The following OTC variants were observed in gnomAD, a reference collection of about 807,000 sequenced individuals.
The protein encoded by OTC is ornithine transcarbamylase.
A neutral mutation model predicts 30.3 loss-of-function variants in OTC; 3 were observed. That is an observed-to-expected ratio of 0.10 (90% CI 0.05 to 0.26). OTC has a LOEUF of 0.26. Among genes scored for constraint, OTC ranks in the 10% least tolerant of loss-of-function variants. The pLI, the probability that OTC is intolerant of heterozygous loss-of-function variation, is 1.00. For synonymous variants in OTC, 111 were observed against 99.7 expected, an observed-to-expected ratio of 1.11 and a Z score of -0.67; for missense variants, 194 against 260.3, an observed-to-expected ratio of 0.75 and a Z score of 1.75.
At chrX:38,405,576 T>A (rs1229872562) in intron 6 of OTC, among the ~76,000 whole-genome samples, 1 of 111,077 alleles carries the variant, frequency 9.0e-6, no homozygotes, top group Non-Finnish European at 1.9e-5. Flanking sequence ...CCACATAAGG[T>A]CACATTCTGA....
chrX:38,334,505 C>G, the OTC span, among the ~76,000 whole-genome samples: 6 of 111,614 alleles, frequency 5.4e-5, no homozygotes, highest in South Asian at 3.8e-4. Context: ...TAGAGGCGAT[C>G]AGCTGGTGCA....
At chrX:38,409,133 T>A (rs1485918968) in intron 8 of OTC, 108 bp downstream of exon 8, 11 of 830,855 alleles carry the variant, frequency 1.3e-5, no homozygotes, top group Admixed American at 2.3e-5. Flanking sequence ...TCATTCCCTA[T>A]AAAAGGACTC....
At chrX:38,356,050 C>CAAAA (rs138806207) in intron 1 of OTC, among the ~76,000 whole-genome samples, 3 of 52,666 alleles carry the variant, frequency 5.7e-5, no homozygotes, top group African/African-American at 2.3e-4. Context: ...GACTCTGTCT[C>CAAAA]AAAAAAAAAA....
chrX:38,382,328 A>C (rs991236404), intron 4 of OTC, among the ~76,000 whole-genome samples: 6 of 112,142 alleles, frequency 5.4e-5, no homozygotes, highest in Admixed American at 9.4e-5. Context: ...TCTGGCTAAA[A>C]AATCCAGAGC....
chrX:38,413,410 G>A (rs1036821955), intron 9 of OTC, among the ~76,000 whole-genome samples: 2 of 111,337 alleles, frequency 1.8e-5, no homozygotes, highest in South Asian at 3.8e-4. Flanking sequence ...GCAGCCAACC[G>A]TGACTCCCTT....
the OTC span, among the ~76,000 whole-genome samples, chrX:38,340,243 T>C: frequency 2.7e-5 from 3 of 111,536 alleles, no homozygotes; most frequent in African/African-American, 6.5e-5. Context: ...ACACATCTTA[T>C]TACTTGTAGA....
the OTC span, among the ~76,000 whole-genome samples, chrX:38,328,381 A>G: frequency 5.3e-5 from 6 of 112,517 alleles, no homozygotes; most frequent in African/African-American, 1.9e-4. Context: ...TACACAAATA[A>G]TCATTTACTT....
intron 1 of OTC, among the ~76,000 whole-genome samples, chrX:38,355,428 G>T (rs1320229896): frequency 8.9e-6 from 1 of 112,024 alleles, no homozygotes; most frequent in Non-Finnish European, 1.9e-5. Flanking sequence ...TATCAGAAAA[G>T]ACCAATTTGT....
chrX:38,331,644 G>A, the OTC span, among the ~76,000 whole-genome samples: 2 of 100,387 alleles, frequency 2.0e-5, no homozygotes, highest in African/African-American at 7.4e-5. Context: ...GTGCAGTGGC[G>A]CAATCTCAGC....
chrX:38,350,582 A>G (rs1445381281), upstream of OTC, among the ~76,000 whole-genome samples: 1 of 111,829 alleles, frequency 8.9e-6, no homozygotes, highest in African/African-American at 3.3e-5. Context: ...AAGTTCATTG[A>G]GATGCCCTGC....
the OTC span, among the ~76,000 whole-genome samples, chrX:38,341,145 T>C: frequency 8.9e-6 from 1 of 112,030 alleles, no homozygotes; most frequent in Non-Finnish European, 1.9e-5. Context: ...TTATATCCAG[T>C]TTTTTCACTC....
intron 4 of OTC, chrX:38,395,939 G>A (rs1282957286): frequency 9.2e-6 from 1 of 109,049 alleles, no homozygotes; most frequent in Non-Finnish European, 1.9e-5. Flanking sequence ...GAGGATGAGA[G>A]AGAGCAGCCG....
chrX:38,374,487 C>A (rs1472777562), intron 3 of OTC, among the ~76,000 whole-genome samples: 2 of 110,982 alleles, frequency 1.8e-5, no homozygotes, highest in Admixed American at 1.9e-4. Flanking sequence ...AAGGCAATTT[C>A]TTCTCAGAGG....
At chrX:38,407,392 C>G (rs907502823) in intron 6 of OTC, among the ~76,000 whole-genome samples, 2 of 112,208 alleles carry the variant, frequency 1.8e-5, no homozygotes, top group Non-Finnish European at 3.8e-5. Context: ...ATGATTATTC[C>G]TGGAGGGGGA....
At chrX:38,357,370 AC>A (rs1450255380) in intron 1 of OTC, among the ~76,000 whole-genome samples, 1 of 112,918 alleles carries the variant, frequency 8.9e-6, no homozygotes, top group Non-Finnish European at 1.9e-5. Context: ...AAGAAAAAAA[AC>A]ATACACAAGA....
At chrX:38,382,917 AT>A (rs1569275743) in intron 4 of OTC, among the ~76,000 whole-genome samples, 1 of 111,819 alleles carries the variant, frequency 8.9e-6, no homozygotes, top group Non-Finnish European at 1.9e-5. Context: ...GGATCCAGAA[AT>A]CAGTGCAGTG....
At chrX:38,405,656 T>C (rs1407468074) in intron 6 of OTC, among the ~76,000 whole-genome samples, 1 of 112,041 alleles carries the variant, frequency 8.9e-6, no homozygotes, top group Non-Finnish European at 1.9e-5. Context: ...AAAAATGTAC[T>C]GCATGCAGTG....
upstream of OTC, among the ~76,000 whole-genome samples, chrX:38,347,683 T>C (rs776550815): frequency 8.9e-4 from 100 of 112,085 alleles, no homozygotes; most frequent in Middle Eastern, 4.6e-3. Context: ...TAGCTATCTA[T>C]GCCCGGGCTC....
At chrX:38,359,545 G>A (rs1439634473) in intron 1 of OTC, among the ~76,000 whole-genome samples, 5 of 108,396 alleles carry the variant, frequency 4.6e-5, no homozygotes, top group African/African-American at 1.0e-4. Flanking sequence ...TCAGCCTCCC[G>A]AATAGCTGGG....
Sources: gnomAD v4.1 joint callset for allele counts (sites outside exome capture counted in the v4.1 genomes callset) on GRCh38, gnomAD v4.1.1 for gene constraint, MANE v1.5 for transcripts, NCBI Gene and HGNC (gene_info 2026-07-23, HGNC 2026-07-21) for gene names.